The following MIPEP variants were observed in gnomAD, a reference collection of about 807,000 sequenced individuals.
MIPEP encodes mitochondrial intermediate peptidase.
A neutral mutation model predicts 90.3 loss-of-function variants in MIPEP; 79 were observed. The ratio of observed to expected loss-of-function variants is 0.87; its 90% CI spans 0.73 to 1.05. The LOEUF (loss-of-function observed/expected upper bound fraction) is 1.05, where lower values mean the gene tolerates loss of function less well. MIPEP is among the 50% of genes least tolerant of loss of function. The pLI is 0.00. For missense variants in MIPEP, 940 were observed against 905.6 expected, an observed-to-expected ratio of 1.04 and a Z score of -0.49; for synonymous variants, 334 against 315.8, an observed-to-expected ratio of 1.06 and a Z score of -0.61.
intron 16 of MIPEP, among the ~76,000 whole-genome samples, chr13:23,800,031 T>G (rs749194067): frequency 7.9e-5 from 12 of 152,232 alleles, no homozygotes; most frequent in Non-Finnish European, 1.6e-4. Flanking sequence ...GCAAGATTTA[T>G]TCAGAGAACA....
At chr13:23,841,632 G>T in intron 10 of MIPEP, 144 bp from the exon 11 acceptor site, 2 of 885,542 alleles carry the variant, frequency 2.3e-6, no homozygotes, top group South Asian at 4.1e-5. Flanking sequence ...ATCATTTGAG[G>T]GGTTTTCAGA....
At chr13:23,817,757 A>G (rs1441831037) in intron 14 of MIPEP, among the ~76,000 whole-genome samples, 1 of 152,128 alleles carries the variant, frequency 6.6e-6, no homozygotes, top group African/African-American at 2.4e-5. Flanking sequence ...TGATTCAGGT[A>G]TGCTGCCCCT....
At chr13:23,841,880 G>A (rs1566014012) in intron 10 of MIPEP, among the ~76,000 whole-genome samples, 1 of 152,078 alleles carries the variant, frequency 6.6e-6, no homozygotes, top group Non-Finnish European at 1.5e-5. Flanking sequence ...CTAGAAACTT[G>A]TGACCTATAT....
At chr13:23,767,449 T>C (rs1042041749) in intron 16 of MIPEP, among the ~76,000 whole-genome samples, 1 of 132,404 alleles carries the variant, frequency 7.6e-6, no homozygotes, top group South Asian at 2.7e-4. Flanking sequence ...GGCAGTATCT[T>C]TGTAAATTTT....
chr13:23,866,233 T>G (rs1870526212), intron 7 of MIPEP, among the ~76,000 whole-genome samples: 1 of 152,102 alleles, frequency 6.6e-6, no homozygotes, highest in Non-Finnish European at 1.5e-5. Context: ...ATGGCATTGT[T>G]TTGTCTGTAC....
intron 13 of MIPEP, among the ~76,000 whole-genome samples, chr13:23,836,745 A>G (rs1245715435): frequency 6.6e-6 from 1 of 152,250 alleles, no homozygotes. Context: ...TTTGTTTTAC[A>G]AGTACTTTAT....
chr13:23,793,310 A>C (rs1952919111), intron 16 of MIPEP, among the ~76,000 whole-genome samples: 1 of 152,254 alleles, frequency 6.6e-6, no homozygotes, highest in Non-Finnish European at 1.5e-5. Context: ...CATGTTGTAT[A>C]AAAGTCATTA....
chr13:23,816,304 G>A (rs1337956283), intron 14 of MIPEP, among the ~76,000 whole-genome samples: 4 of 152,030 alleles, frequency 2.6e-5, no homozygotes, highest in African/African-American at 7.2e-5. Context: ...ACACTGGCTG[G>A]TATTGTCCCA....
intron 10 of MIPEP, among the ~76,000 whole-genome samples, chr13:23,855,741 C>T (rs1199399511): frequency 6.6e-6 from 1 of 152,250 alleles, no homozygotes; most frequent in African/African-American, 2.4e-5. Context: ...ACAACCCCTT[C>T]TGATGCATTT....
At chr13:23,788,990 T>A (rs533581714) in intron 16 of MIPEP, among the ~76,000 whole-genome samples, 2 of 152,216 alleles carry the variant, frequency 1.3e-5, no homozygotes. Flanking sequence ...TTATTTTTTG[T>A]AGAGACATGG....
intron 16 of MIPEP, among the ~76,000 whole-genome samples, chr13:23,771,205 G>A (rs148977361): frequency 6.6e-6 from 1 of 152,302 alleles, no homozygotes; most frequent in East Asian, 1.9e-4. Context: ...TAGGGCTATG[G>A]CATGGGCTAA....
At chr13:23,734,583 T>C (rs1952239634) in intron 18 of MIPEP, among the ~76,000 whole-genome samples, 1 of 152,326 alleles carries the variant, frequency 6.6e-6, no homozygotes, top group Middle Eastern at 3.4e-3. Flanking sequence ...TCTGAGTTTA[T>C]CTTGGGACCT....
At chr13:23,737,991 C>T (rs1952283291) in intron 18 of MIPEP, among the ~76,000 whole-genome samples, 1 of 152,244 alleles carries the variant, frequency 6.6e-6, no homozygotes, top group Admixed American at 6.5e-5. Context: ...GAAACTATGG[C>T]TGTTTGATCA....
chr13:23,887,373 A>G (rs573176115), intron 1 of MIPEP, among the ~76,000 whole-genome samples: 63 of 152,356 alleles, frequency 4.1e-4, no homozygotes, highest in Non-Finnish European at 7.6e-4. Flanking sequence ...TCTCATTTAA[A>G]TCACACAATC....
chr13:23,780,981 G>C (rs1952776386), intron 16 of MIPEP, among the ~76,000 whole-genome samples: 1 of 152,204 alleles, frequency 6.6e-6, no homozygotes, highest in African/African-American at 2.4e-5. Flanking sequence ...CGTCTGATTG[G>C]TGTACCTGAA....
At chr13:23,753,223 C>CAAA (rs765963824) in intron 18 of MIPEP, among the ~76,000 whole-genome samples, 20 of 127,844 alleles carry the variant, frequency 1.6e-4, no homozygotes, top group Non-Finnish European at 2.2e-4. Context: ...GACTCCATCT[C>CAAA]AAAAAAAAAA....
intron 16 of MIPEP, among the ~76,000 whole-genome samples, chr13:23,786,859 A>T (rs1332165860): frequency 6.6e-6 from 1 of 152,188 alleles, no homozygotes; most frequent in Non-Finnish European, 1.5e-5. Context: ...TTACGGACTT[A>T]TTTTAAGGCT....
At chr13:23,787,729 G>C (rs1168116094) in intron 16 of MIPEP, among the ~76,000 whole-genome samples, 1 of 152,152 alleles carries the variant, frequency 6.6e-6, no homozygotes, top group East Asian at 1.9e-4. Context: ...TCTCTTTTAG[G>C]ATGCAGCTTT....
chr13:23,794,829 A>C (rs9553067), intron 16 of MIPEP, among the ~76,000 whole-genome samples: 23,455 of 152,158 alleles, frequency 0.15, 1,935 homozygotes, highest in South Asian at 0.23. Context: ...AAACCATATA[A>C]ATTTTTAGAA....
Sources: gnomAD v4.1 joint callset for allele counts (sites outside exome capture counted in the v4.1 genomes callset) on GRCh38, gnomAD v4.1.1 for gene constraint, MANE v1.5 for transcripts, NCBI Gene and HGNC (gene_info 2026-07-23, HGNC 2026-07-21) for gene names.